U2AF2: variants seen among roughly 807,000 people sequenced by gnomAD.
U2AF2 encodes splicing factor U2AF 65 kDa subunit.
A neutral mutation model predicts 52.6 loss-of-function variants in U2AF2; 6 were observed. That is an observed-to-expected ratio of 0.11 (90% confidence interval 0.06 to 0.23). The LOEUF is 0.23. U2AF2 is among the 10% of genes least tolerant of loss of function. The probability of loss-of-function intolerance (pLI) is 1.00; values close to 1 mark genes in which losing one functional copy is unlikely to be tolerated. For synonymous variants in U2AF2, 284 were observed against 258.2 expected (o/e 1.10, Z -0.96); for missense variants, 222 against 677.1 (o/e 0.33, Z 7.46).
chr19:55,667,025 C>T (rs139231017), intron 7 of U2AF2, among the ~76,000 whole-genome samples: 2 of 152,120 alleles, frequency 1.3e-5, no homozygotes, highest in African/African-American at 2.4e-5. Context: ...GGTGAGTGCC[C>T]GGTGTGTGTT....
At chr19:55,662,797 C>T (rs570395392) in intron 6 of U2AF2, among the ~76,000 whole-genome samples, 179 bp downstream of exon 6, 3 of 152,234 alleles carry the variant, frequency 2.0e-5, no homozygotes, top group African/African-American at 7.2e-5. Flanking sequence ...CTACTTTCTG[C>T]CTTCCATTTG....
intron 2 of U2AF2, 49 bp from the exon 3 acceptor site, chr19:55,660,128 C>T (rs778498417): frequency 7.6e-6 from 12 of 1,568,760 alleles, no homozygotes; most frequent in Middle Eastern, 1.7e-4. Flanking sequence ...GTGGGGAAGA[C>T]GAGGGTCCCC....
At chr19:55,662,245 G>C in intron 5 of U2AF2, 1 of 383,068 alleles carries the variant, frequency 2.6e-6, no homozygotes, top group Non-Finnish European at 4.7e-6. Flanking sequence ...CCCTGTGGCT[G>C]TCCCCCAACG....
At chr19:55,672,809 T>C (rs1985004744) in intron 11 of U2AF2, among the ~76,000 whole-genome samples, 1 of 151,060 alleles carries the variant, frequency 6.6e-6, no homozygotes. Flanking sequence ...ACCTGGTTAA[T>C]TTTTTTTGTA....
intron 3 of U2AF2, 55 bp from the exon 4 acceptor site, chr19:55,660,461 A>G: frequency 8.6e-7 from 1 of 1,167,850 alleles, no homozygotes; most frequent in Non-Finnish European, 1.3e-6. Context: ...TCGCAGGCCC[A>G]CTGTTGGTCA....
intron 1 of U2AF2, among the ~76,000 whole-genome samples, chr19:55,655,827 T>G (rs1043930587): frequency 2.0e-5 from 3 of 152,256 alleles, no homozygotes; most frequent in African/African-American, 7.2e-5. Flanking sequence ...AGCATCTGCA[T>G]TCTTTGAGTG....
intron 5 of U2AF2, 75 bp downstream of exon 5, chr19:55,661,264 C>A: frequency 2.9e-6 from 4 of 1,390,586 alleles, no homozygotes; most frequent in Middle Eastern, 2.3e-4. Context: ...CATTCCCTTT[C>A]CCCAACCTGC....
intron 5 of U2AF2, 137 bp downstream of exon 5, chr19:55,661,326 C>T (rs538167743): frequency 4.9e-6 from 5 of 1,013,812 alleles, no homozygotes; most frequent in South Asian, 2.5e-5. Flanking sequence ...CCAGACGGAC[C>T]GATGGAGTTG....
At chr19:55,657,292 C>T (rs879495215) in intron 1 of U2AF2, among the ~76,000 whole-genome samples, 57 of 152,336 alleles carry the variant, frequency 3.7e-4, no homozygotes, top group Admixed American at 3.0e-3. Context: ...TTTACCTGTC[C>T]AGCATCAGTG....
At chr19:55,667,750 C>G (rs1984633527) in intron 7 of U2AF2, among the ~76,000 whole-genome samples, 1 of 151,772 alleles carries the variant, frequency 6.6e-6, no homozygotes, top group Non-Finnish European at 1.5e-5. Flanking sequence ...GTGGCACCTG[C>G]AGTTCTGACA....
At chr19:55,665,537 G>A (rs1200902449) in intron 7 of U2AF2, among the ~76,000 whole-genome samples, 1 of 144,142 alleles carries the variant, frequency 6.9e-6, no homozygotes, top group Non-Finnish European at 1.5e-5. Context: ...GCAGTTCTAC[G>A]ACACAGGGAT....
chr19:55,658,175 C>G (rs1027893278), intron 1 of U2AF2, among the ~76,000 whole-genome samples: 3 of 152,118 alleles, frequency 2.0e-5, no homozygotes, highest in Non-Finnish European at 2.9e-5. Context: ...CCAGGAGATG[C>G]GTGTTAACAT....
chr19:55,655,503 A>G (rs999509910), intron 1 of U2AF2, among the ~76,000 whole-genome samples: 1 of 152,250 alleles, frequency 6.6e-6, no homozygotes, highest in Non-Finnish European at 1.5e-5. Flanking sequence ...TGAAAAGGAG[A>G]TTATGTTAGT....
chr19:55,666,339 T>C (rs558631108), intron 7 of U2AF2, among the ~76,000 whole-genome samples: 71 of 152,176 alleles, frequency 4.7e-4, no homozygotes, highest in Non-Finnish European at 8.1e-4. Context: ...GCTGCAGAGG[T>C]ATGGGGCCCT....
chr19:55,655,271 C>G (rs1983703946), intron 1 of U2AF2, 118 bp downstream of exon 1: 2 of 1,141,346 alleles, frequency 1.8e-6, no homozygotes, highest in Non-Finnish European at 2.4e-6. Context: ...GCCCCCCAAC[C>G]CTGGTTCCGT....
In U2AF2 at chr19:55,660,496, TCCCC is replaced by T; in HGVS notation, c.231-19_231-16del. 2.2e-6 allele frequency: 2 copies of T among 894,570 alleles called. No individual in the cohort carries two copies. Among genetic ancestry groups the T allele is most frequent in the Admixed American group, 2.2e-5 (1 of 45,836 alleles). 55.4% of individuals were successfully genotyped at this position (894,570 alleles called of 1,614,324 possible). A position where few individuals can be genotyped will look rare whatever the true frequency, so the allele number is the denominator to read the frequency against. ...AGACTGAGGTTGCCCTGCCCCGCTCTCCCCTCCCACCTCCCCCAGTCGTTCCCCC... is the reference window on the plus strand; with the variant it reads ...AGACTGAGGTTGCCCTGCCCCGCTCTTCCCACCTCCCCCAGTCGTTCCCCC... On this transcript the variant is annotated splice_polypyrimidine_tract_variant and intron_variant, in intron 3 of 11. Coordinates refer to ENST00000308924, the MANE Select transcript of U2AF2 (RefSeq NM_007279.3).
chr19:55,667,844 G>A (rs1984642340), intron 7 of U2AF2, among the ~76,000 whole-genome samples: 1 of 151,704 alleles, frequency 6.6e-6, no homozygotes, highest in Non-Finnish European at 1.5e-5. Flanking sequence ...GGAGTGCAGT[G>A]GAGTGATCTC....
At position 55,660,500 on chromosome 19, in the gene U2AF2, C is replaced by G; in HGVS notation, c.231-16C>G. ...TGAGGTTGCCCTGCCCCGCTCTCCC[C>G]TCCCACCTCCCCCAGTCGTTCCCCC... is the stretch of plus-strand genomic sequence containing the variant. On this transcript the variant is annotated splice_polypyrimidine_tract_variant and intron_variant, in intron 3 of 11. Coordinates refer to ENST00000308924, the MANE Select transcript of U2AF2 (RefSeq NM_007279.3). The G allele has an allele frequency of 5.0e-6, 5 of 1,004,304 alleles. No homozygotes were observed. Among genetic ancestry groups the G allele is most frequent in the Non-Finnish European group, 6.2e-6 (4 of 648,854 alleles). The allele number at this position is 1,004,304 out of a possible 1,614,324, so 62.2% of individuals were successfully genotyped here.
intron 11 of U2AF2, among the ~76,000 whole-genome samples, chr19:55,669,945 C>T (rs542653411): frequency 5.9e-5 from 9 of 152,308 alleles, no homozygotes; most frequent in African/African-American, 1.4e-4. Context: ...GACCTGCAGG[C>T]GAGACAGTAG....
Sources: allele counts gnomAD v4.1 joint callset (sites outside exome capture counted in the v4.1 genomes callset), GRCh38; gene constraint gnomAD v4.1.1; transcripts MANE v1.5; gene names NCBI Gene and HGNC (gene_info 2026-07-23, HGNC 2026-07-21).